Variants in UXS1 observed in about 807,000 individuals in gnomAD.
UXS1 encodes UDP-glucuronate decarboxylase 1.
In UXS1, 33 loss-of-function variants were observed where a neutral mutation model predicts 62.6. That is an observed-to-expected ratio of 0.53 (90% CI 0.40 to 0.70). The LOEUF is 0.70. Ranked by LOEUF, UXS1 falls within the 30% of genes least tolerant of loss-of-function variation. The pLI is 0.00. For missense variants in UXS1, 434 were observed against 556.3 expected (o/e 0.78, Z 2.21); for synonymous variants, 213 against 206.8 (o/e 1.03, Z -0.26).
intron 8 of UXS1, 31 bp from the exon 9 acceptor site, chr2:106,123,122 A>G (rs1558698136): frequency 6.2e-7 from 1 of 1,612,550 alleles, no homozygotes; most frequent in Non-Finnish European, 8.5e-7. Context: ...GACTGTTTTC[A>G]TCTTTCCTTT....
At chr2:106,147,042 G>A (rs534566779) in intron 5 of UXS1, among the ~76,000 whole-genome samples, 1 of 152,128 alleles carries the variant, frequency 6.6e-6, no homozygotes, top group East Asian at 1.9e-4. Flanking sequence ...TATGGTGGCT[G>A]AAGCACAAGA....
At chr2:106,157,999 C>G in intron 5 of UXS1, 59 bp downstream of exon 5, 1 of 1,395,882 alleles carries the variant, frequency 7.2e-7, no homozygotes, top group South Asian at 1.3e-5. Context: ...TGAATTATCT[C>G]TCAACGAAAA....
intron 6 of UXS1, among the ~76,000 whole-genome samples, chr2:106,137,226 T>C (rs533202369): frequency 1.8e-4 from 27 of 152,296 alleles, no homozygotes; most frequent in African/African-American, 5.8e-4. Context: ...GACAAACTAA[T>C]ATTGTATTAT....
chr2:106,156,395 G>A (rs1299811364), intron 5 of UXS1, among the ~76,000 whole-genome samples: 2 of 152,284 alleles, frequency 1.3e-5, no homozygotes, highest in South Asian at 2.1e-4. Context: ...AAGAAGTGGC[G>A]TTGAGGATGT....
chr2:106,158,668 G>C (rs775255845), intron 4 of UXS1, among the ~76,000 whole-genome samples: 1 of 152,116 alleles, frequency 6.6e-6, no homozygotes, highest in Non-Finnish European at 1.5e-5. Context: ...TTCCTAAGCC[G>C]AGGTTAGAGT....
intron 9 of UXS1, among the ~76,000 whole-genome samples, chr2:106,114,698 C>A (rs1406260990): frequency 6.6e-6 from 1 of 152,178 alleles, no homozygotes; most frequent in Non-Finnish European, 1.5e-5. Context: ...GTGTCCAACC[C>A]ATAAACAGGC....
intron 9 of UXS1, among the ~76,000 whole-genome samples, chr2:106,118,808 G>C (rs1679277598): frequency 1.3e-5 from 2 of 152,010 alleles, no homozygotes; most frequent in Admixed American, 6.6e-5. Context: ...CATCTATCTT[G>C]TTTATATTTT....
intron 9 of UXS1, among the ~76,000 whole-genome samples, chr2:106,119,077 C>A (rs1485129743): frequency 3.3e-5 from 5 of 152,198 alleles, no homozygotes; most frequent in Admixed American, 3.3e-4. Flanking sequence ...CAAAAGATCA[C>A]ACATTTAGAA....
chr2:106,148,426 T>G (rs537123251), intron 5 of UXS1, among the ~76,000 whole-genome samples: 26 of 152,334 alleles, frequency 1.7e-4, no homozygotes, highest in African/African-American at 5.5e-4. Flanking sequence ...ATGCAAATAT[T>G]TCTGAAAACA....
intron 9 of UXS1, among the ~76,000 whole-genome samples, chr2:106,120,401 C>T (rs1176365489): frequency 6.6e-6 from 1 of 152,292 alleles, no homozygotes. Context: ...TCCTCCCTGA[C>T]ATAATGACTG....
At chr2:106,113,695 A>G (rs1220640937) in intron 9 of UXS1, among the ~76,000 whole-genome samples, 1 of 152,210 alleles carries the variant, frequency 6.6e-6, no homozygotes, top group Non-Finnish European at 1.5e-5. Flanking sequence ...GATCCACTGC[A>G]GAACAAACGT....
Position 106,112,749 on chromosome 2 carries a change from C to G in UXS1, c.776G>C (p.Arg259Pro), listed in dbSNP as rs773693317. ...AYMKQEGVEV[R>P]VARIFNTFGP... ...AAAGGTGTTGAAGATTCTGGCCACTCGCACTTCCACGCCTTCCTGGAACAG... is the reference window on the plus strand; with the variant it reads ...AAAGGTGTTGAAGATTCTGGCCACTGGCACTTCCACGCCTTCCTGGAACAG... The change falls in exon 10 of 15, where the codon CGA (arginine) becomes CCA (proline). Residue 259 changes from arginine (R) to proline (P), a missense_variant. Arg to Pro is a moderately radical substitution (Grantham distance 103). Transcript: ENST00000283148. 1 of 1,613,768 alleles carries G rather than the reference C, an allele frequency of 6.2e-7. No homozygotes were observed. The highest frequency in any genetic ancestry group is 1.1e-5 in the South Asian group (1 of 90,968).
intron 1 of UXS1, among the ~76,000 whole-genome samples, chr2:106,176,927 C>A (rs4851932): frequency 7.6e-4 from 116 of 152,202 alleles, no homozygotes; most frequent in Admixed American, 2.5e-3. Flanking sequence ...GCTCTGAAAT[C>A]CAGCTATAAA....
intron 10 of UXS1, among the ~76,000 whole-genome samples, chr2:106,106,517 T>C (rs1042318151): frequency 6.6e-6 from 1 of 152,180 alleles, no homozygotes; most frequent in Non-Finnish European, 1.5e-5. Context: ...GGTTCTGTTC[T>C]TGGGGGGAAG....
At chr2:106,172,417 C>T (rs189377884) in intron 1 of UXS1, among the ~76,000 whole-genome samples, 57 of 152,344 alleles carry the variant, frequency 3.7e-4, no homozygotes, top group Admixed American at 2.5e-3. Context: ...CCATCAGTCA[C>T]AGGGCAAATG....
chr2:106,128,007 C>T (rs1680106873), intron 7 of UXS1, among the ~76,000 whole-genome samples: 1 of 152,186 alleles, frequency 6.6e-6, no homozygotes, highest in South Asian at 2.1e-4. Context: ...TGCAGAAGAG[C>T]CTGAGGGTAA....
chr2:106,190,972 A>T (rs537326204), intron 1 of UXS1, among the ~76,000 whole-genome samples: 1 of 152,212 alleles, frequency 6.6e-6, no homozygotes, highest in East Asian at 1.9e-4. Context: ...ATGAGCCATT[A>T]GCACTGCTAT....
chr2:106,103,454 G>A (rs1573400673), intron 11 of UXS1, among the ~76,000 whole-genome samples: 1 of 152,334 alleles, frequency 6.6e-6, no homozygotes, highest in East Asian at 1.9e-4. Context: ...AGTGGAGGAG[G>A]ATGGGATAAG....
intron 5 of UXS1, 79 bp downstream of exon 5, chr2:106,157,979 C>T: frequency 8.0e-7 from 1 of 1,244,270 alleles, no homozygotes; most frequent in East Asian, 2.5e-5. Flanking sequence ...AGCGTGAATT[C>T]TATGATATGT....
Sources: gnomAD v4.1 joint callset for allele counts (sites outside exome capture counted in the v4.1 genomes callset) on GRCh38, gnomAD v4.1.1 for gene constraint, MANE v1.5 for transcripts, NCBI Gene and HGNC (gene_info 2026-07-23, HGNC 2026-07-21) for gene names.